The following ARHGAP15 variants were observed in gnomAD, a reference collection of about 807,000 sequenced individuals.
The protein encoded by ARHGAP15 is Rho GTPase activating protein 15.
Under a neutral mutation model 63.7 loss-of-function variants are expected in ARHGAP15, and 51 were observed. The observed-to-expected ratio is 0.80, with a 90% CI of 0.64 to 1.01. The LOEUF (loss-of-function observed/expected upper bound fraction) is 1.01. Ranked by LOEUF, ARHGAP15 falls within the 50% of genes least tolerant of loss-of-function variation. The pLI, the probability that ARHGAP15 is intolerant of heterozygous loss-of-function variation, is 0.00. For missense variants in ARHGAP15, 560 were observed against 564.6 expected (o/e 0.99, Z 0.08); for synonymous variants, 191 against 193.8 (o/e 0.99, Z 0.12).
chr2:143,427,690 T>C (rs1295864089), intron 6 of ARHGAP15, among the ~76,000 whole-genome samples: 1 of 152,108 alleles, frequency 6.6e-6, no homozygotes, highest in Non-Finnish European at 1.5e-5. Flanking sequence ...TCCTATTGTC[T>C]GATGTCTAGG....
chr2:143,462,874 T>C (rs546728162), intron 8 of ARHGAP15, among the ~76,000 whole-genome samples: 58 of 152,164 alleles, frequency 3.8e-4, no homozygotes, highest in African/African-American at 1.3e-3. Context: ...CTGAAGTTCA[T>C]AAAGAAACAG....
chr2:143,635,081 A>G (rs1362988895), intron 12 of ARHGAP15, among the ~76,000 whole-genome samples: 2 of 151,498 alleles, frequency 1.3e-5, no homozygotes, highest in Non-Finnish European at 2.9e-5. Context: ...CGTTCTCCAA[A>G]CTGGAAATGT....
At chr2:143,533,386 T>G (rs1694606366) in intron 10 of ARHGAP15, 2 of 152,204 alleles carry the variant, frequency 1.3e-5, no homozygotes, top group African/African-American at 4.8e-5. Flanking sequence ...CTTCCTTCTC[T>G]TTCTTTGGTG....
chr2:143,334,806 C>T (rs1684699162), intron 6 of ARHGAP15, among the ~76,000 whole-genome samples: 1 of 152,176 alleles, frequency 6.6e-6, no homozygotes, highest in Admixed American at 6.5e-5. Context: ...ATAACTGCTT[C>T]AACAGCCAGG....
At chr2:143,497,196 T>C (rs1044237419) in intron 9 of ARHGAP15, among the ~76,000 whole-genome samples, 4 of 152,210 alleles carry the variant, frequency 2.6e-5, no homozygotes, top group Non-Finnish European at 5.9e-5. Context: ...GTAAAACAGA[T>C]ACAAAACCTC....
chr2:143,202,733 A>G (rs902911738), intron 3 of ARHGAP15, among the ~76,000 whole-genome samples: 4 of 150,450 alleles, frequency 2.7e-5, no homozygotes, highest in Non-Finnish European at 5.9e-5. Context: ...GGAACCAGAG[A>G]CTACAGAGGG....
At chr2:143,606,286 T>C (rs928889845) in intron 11 of ARHGAP15, among the ~76,000 whole-genome samples, 1 of 152,138 alleles carries the variant, frequency 6.6e-6, no homozygotes. Context: ...TTTTGAGTGG[T>C]TATTTCATTG....
chr2:143,541,755 T>C (rs1473025745), intron 10 of ARHGAP15, among the ~76,000 whole-genome samples: 1 of 152,054 alleles, frequency 6.6e-6, no homozygotes, highest in African/African-American at 2.4e-5. Context: ...CTCAGAGGAG[T>C]ACCCGGCCGT....
chr2:143,413,966 T>TGTGTGTGTGCGCGCGCGCGCGCGC lies in ARHGAP15; in HGVS notation c.475-21634_475-21633insTGTGTGTGCGCGCGCGCGCGCGCG. Reference sequence around the variant, plus strand: ...GTGTGTGTGTGTGTGTGTGTGTGTGTGCGCGCTCTCTGGCAGAAAGTTAAT... The same window carrying TGTGTGTGTGCGCGCGCGCGCGCGC: ...GTGTGTGTGTGTGTGTGTGTGTGTGTGTGTGTGTGCGCGCGCGCGCGCGCGCGCGCTCTCTGGCAGAAAGTTAAT... On this transcript the variant is annotated intron_variant, in intron 6 of 13. Coordinates refer to ENST00000295095, the MANE Select transcript of ARHGAP15 (RefSeq NM_018460.4). Among the ~76,000 whole-genome samples the TGTGTGTGTGCGCGCGCGCGCGCGC allele has an allele frequency of 7.5e-4, 89 of 117,906 alleles. 1 individual carries two copies. The South Asian group carries it at 9.0e-3, about 12-fold the overall frequency. The allele number at this position is 117,906 out of a possible 152,430, so 77.4% of individuals were successfully genotyped here.
At chr2:143,472,661 G>C (rs1336628655) in intron 8 of ARHGAP15, among the ~76,000 whole-genome samples, 1 of 151,922 alleles carries the variant, frequency 6.6e-6, no homozygotes, top group Non-Finnish European at 1.5e-5. Flanking sequence ...TCACTTTTCA[G>C]CTAAGCTAGT....
chr2:143,452,774 TTCTG>T (rs1036164869), intron 8 of ARHGAP15, among the ~76,000 whole-genome samples: 1 of 151,312 alleles, frequency 6.6e-6, no homozygotes, highest in African/African-American at 2.4e-5. Flanking sequence ...CTGACAAAGG[TTCTG>T]TCTGTGTTTA....
At chr2:143,424,299 A>C (rs1192851157) in intron 6 of ARHGAP15, among the ~76,000 whole-genome samples, 1 of 152,118 alleles carries the variant, frequency 6.6e-6, no homozygotes, top group Non-Finnish European at 1.5e-5. Flanking sequence ...ATCTGTCATT[A>C]AGGAGGTCAG....
intron 12 of ARHGAP15, among the ~76,000 whole-genome samples, chr2:143,646,925 A>G (rs1000704450): frequency 2.6e-5 from 4 of 152,020 alleles, no homozygotes; most frequent in African/African-American, 7.2e-5. Flanking sequence ...AAGACATGAA[A>G]TGGTCAGTTT....
At chr2:143,415,559 C>T (rs909563371) in intron 6 of ARHGAP15, among the ~76,000 whole-genome samples, 1 of 152,092 alleles carries the variant, frequency 6.6e-6, no homozygotes, top group African/African-American at 2.4e-5. Context: ...TAAATTGGGA[C>T]ACCATTCTCA....
chr2:143,520,361 T>C (rs1404356923), intron 10 of ARHGAP15, among the ~76,000 whole-genome samples: 1 of 152,140 alleles, frequency 6.6e-6, no homozygotes, highest in Non-Finnish European at 1.5e-5. Context: ...CTCCTGGAAA[T>C]TCATACTTTA....
At chr2:143,233,781 A>G (rs1421788323) in intron 5 of ARHGAP15, among the ~76,000 whole-genome samples, 1 of 151,544 alleles carries the variant, frequency 6.6e-6, no homozygotes, top group Admixed American at 6.6e-5. Flanking sequence ...AGTAGCTGGG[A>G]TTACAGACAC....
chr2:143,317,202 C>A (rs1301009748), intron 6 of ARHGAP15, among the ~76,000 whole-genome samples: 4 of 138,602 alleles, frequency 2.9e-5, no homozygotes, highest in African/African-American at 9.9e-5. Flanking sequence ...TTCTTGTCCC[C>A]CAGTGCCTAT....
intron 6 of ARHGAP15, among the ~76,000 whole-genome samples, chr2:143,366,243 G>A (rs1255822886): frequency 6.6e-6 from 1 of 151,998 alleles, no homozygotes; most frequent in Non-Finnish European, 1.5e-5. Flanking sequence ...ATCTACACAT[G>A]CTGAATCACT....
At chr2:143,760,323 A>G (rs1686717598) in intron 13 of ARHGAP15, among the ~76,000 whole-genome samples, 1 of 152,208 alleles carries the variant, frequency 6.6e-6, no homozygotes, top group East Asian at 1.9e-4. Flanking sequence ...ATTAGCACAT[A>G]GAAGGTATTA....
Sources: gnomAD v4.1 joint callset for allele counts (sites outside exome capture counted in the v4.1 genomes callset) on GRCh38, gnomAD v4.1.1 for gene constraint, MANE v1.5 for transcripts, NCBI Gene and HGNC (gene_info 2026-07-23, HGNC 2026-07-21) for gene names.